NAALADL2: variants seen among roughly 807,000 people sequenced by gnomAD.
NAALADL2 encodes the protein inactive N-acetylated-alpha-linked acidic dipeptidase-like protein 2.
In NAALADL2, 76 loss-of-function variants were observed where a neutral mutation model predicts 87.2. That is an observed-to-expected ratio of 0.87 (90% CI 0.72 to 1.05). The LOEUF is 1.05. Ranked by LOEUF, NAALADL2 falls within the 50% of genes least tolerant of loss-of-function variation. NAALADL2 has a pLI of 0.00. For synonymous variants in NAALADL2, 354 were observed against 331.0 expected, an observed-to-expected ratio of 1.07 and a Z score of -0.75; for missense variants, 1,089 against 945.8, an observed-to-expected ratio of 1.15 and a Z score of -1.99.
At chr3:175,631,694 C>T (rs1324220174) in intron 11 of NAALADL2, among the ~76,000 whole-genome samples, 1 of 151,938 alleles carries the variant, frequency 6.6e-6, no homozygotes, top group African/African-American at 2.4e-5. Flanking sequence ...AGAAACCAAA[C>T]TAATTCCTTC....
At chr3:174,900,515 T>C (rs918289586) in intron 1 of NAALADL2, among the ~76,000 whole-genome samples, 1 of 151,918 alleles carries the variant, frequency 6.6e-6, no homozygotes, top group Non-Finnish European at 1.5e-5. Context: ...GCAATATAGA[T>C]AAAAATCCTT....
chr3:174,888,780 T>C (rs945596901), intron 1 of NAALADL2, among the ~76,000 whole-genome samples: 13 of 152,242 alleles, frequency 8.5e-5, no homozygotes, highest in African/African-American at 3.1e-4. Flanking sequence ...CAAAATACTG[T>C]ATTATTATGG....
intron 1 of NAALADL2, among the ~76,000 whole-genome samples, chr3:175,065,975 A>C (rs1559980802): frequency 6.6e-6 from 1 of 152,320 alleles, no homozygotes; most frequent in East Asian, 1.9e-4. Flanking sequence ...ATCAAGCTCC[A>C]GATATGAGTG....
At chr3:175,723,164 A>C (rs1742470694) in intron 11 of NAALADL2, among the ~76,000 whole-genome samples, 1 of 152,112 alleles carries the variant, frequency 6.6e-6, no homozygotes, top group Admixed American at 6.6e-5. Context: ...AAGAAACATG[A>C]GGTTGGTCAG....
At chr3:175,167,105 T>C (rs1274605580) in intron 2 of NAALADL2, among the ~76,000 whole-genome samples, 1 of 151,794 alleles carries the variant, frequency 6.6e-6, no homozygotes, top group East Asian at 1.9e-4. Flanking sequence ...AATCCAGGGG[T>C]CTGCAGACTT....
At chr3:174,749,071 C>T (rs571742802) in intron 3 of NAALADL2, among the ~76,000 whole-genome samples, 1 of 152,222 alleles carries the variant, frequency 6.6e-6, no homozygotes, top group East Asian at 1.9e-4. Context: ...TCAGCCAGGA[C>T]TTATAACATT....
intron 1 of NAALADL2, among the ~76,000 whole-genome samples, chr3:174,532,640 G>A (rs543479988): frequency 8.1e-4 from 123 of 152,152 alleles, no homozygotes; most frequent in Admixed American, 1.4e-3. Flanking sequence ...AGGAAAATTC[G>A]GTTGAGCCCC....
At chr3:174,555,165 T>C (rs1712603711) in intron 2 of NAALADL2, among the ~76,000 whole-genome samples, 1 of 152,180 alleles carries the variant, frequency 6.6e-6, no homozygotes, top group African/African-American at 2.4e-5. Flanking sequence ...TAGTATCTTT[T>C]CCTTACTCAT....
chr3:175,414,466 C>T (rs1054191002), intron 5 of NAALADL2, among the ~76,000 whole-genome samples: 1 of 152,072 alleles, frequency 6.6e-6, no homozygotes, highest in East Asian at 1.9e-4. Context: ...ACTTTTTACA[C>T]CTTGAAATGT....
In NAALADL2 at chr3:175,528,296, T is replaced by C. The variant is rs369225739; in HGVS notation, c.1654-47745T>C. Among the ~76,000 whole-genome samples, 20 of 152,184 alleles carry C rather than the reference T, an allele frequency of 1.3e-4. No homozygotes were observed. The East Asian group carries it at 2.3e-3, about 18-fold the overall frequency. ...GTCCAAGTCCCAAAACAGAAGAACTTGGAGTCCAACGTTCAAGGGCAGGAA... is the reference window on the plus strand; with the variant it reads ...GTCCAAGTCCCAAAACAGAAGAACTCGGAGTCCAACGTTCAAGGGCAGGAA... On this transcript the variant is annotated intron_variant, in intron 9 of 13. Coordinates refer to ENST00000454872, the MANE Select transcript of NAALADL2 (RefSeq NM_207015.3).
intron 1 of NAALADL2, among the ~76,000 whole-genome samples, chr3:175,011,251 A>G (rs1265283397): frequency 7.8e-6 from 1 of 127,604 alleles, no homozygotes; most frequent in African/African-American, 3.9e-5. Flanking sequence ...AGGGAGAGAG[A>G]CAGAGAGAGA....
intron 4 of NAALADL2, among the ~76,000 whole-genome samples, chr3:175,293,738 C>G (rs190652328): frequency 1.3e-5 from 2 of 152,142 alleles, no homozygotes; most frequent in African/African-American, 2.4e-5. Context: ...GAAAGTGAAC[C>G]CTCATCAGAC....
At chr3:175,671,412 T>C (rs1299883705) in intron 11 of NAALADL2, among the ~76,000 whole-genome samples, 2 of 152,040 alleles carry the variant, frequency 1.3e-5, no homozygotes, top group African/African-American at 4.8e-5. Flanking sequence ...TGCTAGCAAC[T>C]GTTATCTTCC....
intron 6 of NAALADL2, among the ~76,000 whole-genome samples, chr3:175,450,723 GC>G (rs1560572195): frequency 6.6e-6 from 1 of 152,094 alleles, no homozygotes; most frequent in Non-Finnish European, 1.5e-5. Flanking sequence ...TAGGGATATT[GC>G]CAAAGCTACT....
chr3:175,108,397 A>T (rs1723601383), intron 2 of NAALADL2, among the ~76,000 whole-genome samples: 1 of 152,000 alleles, frequency 6.6e-6, no homozygotes, highest in Non-Finnish European at 1.5e-5. Context: ...TGCAAATCTA[A>T]TTCTCATAGA....
chr3:174,858,451 GT>G (rs1225244461), upstream of NAALADL2, among the ~76,000 whole-genome samples: 1 of 152,066 alleles, frequency 6.6e-6, no homozygotes, highest in Non-Finnish European at 1.5e-5. Context: ...AGTCACAACA[GT>G]TAATCTAAGT....
At chr3:175,418,716 G>A (rs1053105076) in intron 5 of NAALADL2, among the ~76,000 whole-genome samples, 3 of 152,056 alleles carry the variant, frequency 2.0e-5, no homozygotes, top group African/African-American at 4.8e-5. Context: ...GACAATAATG[G>A]TCAAAGGGGA....
At chr3:174,858,171 A>C (rs1358845975), upstream of NAALADL2, among the ~76,000 whole-genome samples, 1 of 147,810 alleles carries the variant, frequency 6.8e-6, no homozygotes, top group Non-Finnish European at 1.5e-5. Context: ...ACAATATTAA[A>C]TATATAATAT....
chr3:175,755,666 A>G (rs1747174903), intron 13 of NAALADL2, among the ~76,000 whole-genome samples: 1 of 151,330 alleles, frequency 6.6e-6, no homozygotes, highest in African/African-American at 2.5e-5. Context: ...TTTCAATATG[A>G]GTCAAATATG....
Sources: allele counts gnomAD v4.1 joint callset (sites outside exome capture counted in the v4.1 genomes callset), GRCh38; gene constraint gnomAD v4.1.1; transcripts MANE v1.5; gene names NCBI Gene and HGNC (gene_info 2026-07-23, HGNC 2026-07-21).